The following HPSE2 variants were observed in gnomAD, a reference collection of about 807,000 sequenced individuals.
HPSE2 encodes inactive heparanase-2.
Under a neutral mutation model 60.5 loss-of-function variants are expected in HPSE2, and 38 were observed. The observed-to-expected ratio is 0.63, with a 90% CI of 0.48 to 0.82. The LOEUF (loss-of-function observed/expected upper bound fraction) is 0.82, where lower values mean the gene tolerates loss of function less well. HPSE2 is among the 40% of genes least tolerant of loss of function. HPSE2 has a pLI of 0.00. For missense variants in HPSE2, 713 were observed against 740.4 expected (o/e 0.96, Z 0.43); for synonymous variants, 295 against 293.2 (o/e 1.01, Z -0.06).
the HPSE2 span, among the ~76,000 whole-genome samples, chr10:99,284,593 C>T: frequency 2.0e-5 from 3 of 152,146 alleles, no homozygotes; most frequent in Non-Finnish European, 2.9e-5. Flanking sequence ...TAGTTTCTCT[C>T]TTTTTTGGCA....
chr10:99,293,315 T>C, the HPSE2 span, among the ~76,000 whole-genome samples: 1 of 152,206 alleles, frequency 6.6e-6, no homozygotes. Flanking sequence ...AAACATTGGA[T>C]AGGCCAGAAC....
chr10:99,230,098 C>G (rs952349021), intron 2 of HPSE2, among the ~76,000 whole-genome samples: 4 of 152,124 alleles, frequency 2.6e-5, no homozygotes, highest in Admixed American at 2.0e-4. Context: ...CATCTTATTA[C>G]TAGGAAAACA....
chr10:98,994,954 C>A (rs938518268), intron 3 of HPSE2, among the ~76,000 whole-genome samples: 2 of 152,196 alleles, frequency 1.3e-5, no homozygotes, highest in Non-Finnish European at 2.9e-5. Flanking sequence ...TGGGCCAAGA[C>A]CTTAGTGGGT....
At position 99,107,473 on chromosome 10, in the gene HPSE2, C is replaced by G. The variant is rs570747061; in HGVS notation, c.610+36765G>C. 4.6e-5 allele frequency among the ~76,000 whole-genome samples: 7 copies of G among 152,268 alleles called. No homozygotes were observed. In the East Asian group the frequency reaches 1.4e-3, roughly 29 times the overall value. ...TGGAAAATGGGTTAGTACTTTCCAT[C>G]AAACCATGCCGTCTTCTACCTCAAG... On this transcript the variant is annotated intron_variant, in intron 3 of 11. Coordinates refer to ENST00000370552, the MANE Select transcript of HPSE2 (RefSeq NM_021828.5).
intron 3 of HPSE2, among the ~76,000 whole-genome samples, chr10:98,776,604 T>G (rs1950346337): frequency 6.6e-6 from 1 of 152,134 alleles, no homozygotes; most frequent in South Asian, 2.1e-4. Flanking sequence ...TTGCTTGCAC[T>G]CTTAAAAAAA....
intron 3 of HPSE2, among the ~76,000 whole-genome samples, chr10:98,796,168 C>T (rs1273479584): frequency 6.6e-6 from 1 of 152,170 alleles, no homozygotes; most frequent in Non-Finnish European, 1.5e-5. Flanking sequence ...TGTCTTGCAC[C>T]TTGCCTTAGG....
In HPSE2 at chr10:98,798,848, A is replaced by C. The variant is rs556651174; in HGVS notation, c.611-54792T>G. Reference sequence around the variant, plus strand: ...AGAGAAGACCATGAAACAACCAGAAAACAAATCTAAAAATGGCAAGAGTAA... The same window carrying C: ...AGAGAAGACCATGAAACAACCAGAACACAAATCTAAAAATGGCAAGAGTAA... On this transcript the variant is annotated intron_variant, in intron 3 of 11. Transcript: ENST00000370552. Among the ~76,000 whole-genome samples the C allele has an allele frequency of 5.9e-5, 9 of 152,296 alleles. No homozygotes were observed. The South Asian group carries it at 1.9e-3, about 32-fold the overall frequency.
At chr10:99,257,915 A>G in the HPSE2 span, among the ~76,000 whole-genome samples, 1 of 152,150 alleles carries the variant, frequency 6.6e-6, no homozygotes, top group African/African-American at 2.4e-5. Context: ...GCCGACACTT[A>G]GGGAAAATAG....
At chr10:98,567,970 A>C (rs1944394450) in intron 9 of HPSE2, among the ~76,000 whole-genome samples, 1 of 152,206 alleles carries the variant, frequency 6.6e-6, no homozygotes, top group Non-Finnish European at 1.5e-5. Flanking sequence ...TCTGGGATCA[A>C]GCATGCCAGA....
At chr10:98,914,965 C>G (rs975461296) in intron 3 of HPSE2, among the ~76,000 whole-genome samples, 1 of 151,532 alleles carries the variant, frequency 6.6e-6, no homozygotes, top group African/African-American at 2.4e-5. Context: ...CAAAAGTATA[C>G]ACACAGGATA....
At chr10:99,272,311 T>A in the HPSE2 span, among the ~76,000 whole-genome samples, 1 of 149,760 alleles carries the variant, frequency 6.7e-6, no homozygotes. Flanking sequence ...AAAGACAACC[T>A]GAATCCATAA....
At chr10:98,795,735 A>G (rs1472805476) in intron 3 of HPSE2, among the ~76,000 whole-genome samples, 4 of 152,316 alleles carry the variant, frequency 2.6e-5, no homozygotes, top group African/African-American at 7.2e-5. Flanking sequence ...CCCCCAGCCT[A>G]ATCAGTGCAG....
At chr10:98,622,494 A>T (rs1053185129) in intron 7 of HPSE2, among the ~76,000 whole-genome samples, 2 of 152,218 alleles carry the variant, frequency 1.3e-5, no homozygotes, top group African/African-American at 4.8e-5. Flanking sequence ...TGCCAAACCC[A>T]TGGGTACATA....
At chr10:98,554,773 G>A (rs1196881063) in intron 9 of HPSE2, among the ~76,000 whole-genome samples, 1 of 152,198 alleles carries the variant, frequency 6.6e-6, no homozygotes, top group East Asian at 1.9e-4. Context: ...TAAGAGGTTT[G>A]CGTGTTAGTC....
At chr10:99,132,222 AGAGAGAG>A (rs1845457373) in intron 3 of HPSE2, among the ~76,000 whole-genome samples, 5 of 41,358 alleles carry the variant, frequency 1.2e-4, no homozygotes, top group Admixed American at 2.7e-4. Context: ...AGAGAGAGAG[AGAGAGAG>A]AGAGAGAGAG....
intron 6 of HPSE2, among the ~76,000 whole-genome samples, chr10:98,643,978 A>T (rs949807150): frequency 1.8e-4 from 27 of 152,188 alleles, no homozygotes; most frequent in Non-Finnish European, 1.5e-5. Flanking sequence ...AATTTTTGTT[A>T]GCAACACACA....
the HPSE2 span, among the ~76,000 whole-genome samples, chr10:99,314,988 G>A: frequency 1.3e-5 from 2 of 152,192 alleles, no homozygotes; most frequent in East Asian, 3.8e-4. Flanking sequence ...CAAGATTTGA[G>A]TCAATCACTT....
At chr10:99,189,925 TGCTTTGGCCA>T (rs1848161489) in intron 2 of HPSE2, among the ~76,000 whole-genome samples, 2 of 152,250 alleles carry the variant, frequency 1.3e-5, no homozygotes, top group Non-Finnish European at 2.9e-5. Flanking sequence ...GCCCAAGGGC[TGCTTTGGCCA>T]GCTTTGGAAG....
the HPSE2 span, among the ~76,000 whole-genome samples, chr10:99,277,480 T>C: frequency 1.3e-5 from 2 of 152,210 alleles, no homozygotes; most frequent in South Asian, 2.1e-4. Context: ...GTGAGCTCAG[T>C]GTCACTGGAT....
Sources: gnomAD v4.1 joint callset for allele counts (sites outside exome capture counted in the v4.1 genomes callset) on GRCh38, gnomAD v4.1.1 for gene constraint, MANE v1.5 for transcripts, NCBI Gene and HGNC (gene_info 2026-07-23, HGNC 2026-07-21) for gene names.